Variants in GPC5 observed in about 807,000 individuals in gnomAD.
GPC5 encodes the protein glypican-5.
GPC5 carries 47 observed loss-of-function variants against 53.9 expected under a neutral mutation model. The observed-to-expected ratio is 0.87, with a 90% confidence interval of 0.69 to 1.11. GPC5 has a LOEUF of 1.11. Ranked by LOEUF, GPC5 falls within the 50% of genes most tolerant of loss-of-function variation. The pLI, the probability that GPC5 is intolerant of heterozygous loss-of-function variation, is 0.00. For missense variants in GPC5, 748 were observed against 713.1 expected (o/e 1.05, Z -0.56); for synonymous variants, 286 against 263.3 (o/e 1.09, Z -0.84).
chr13:91,975,399 A>G (rs965098723), intron 6 of GPC5, among the ~76,000 whole-genome samples: 5 of 152,284 alleles, frequency 3.3e-5, no homozygotes, highest in African/African-American at 1.2e-4. Context: ...TCCAGAATCT[A>G]CAATGAACTC....
chr13:92,347,917 A>AT (rs2043438881), intron 7 of GPC5, among the ~76,000 whole-genome samples: 3 of 15,842 alleles, frequency 1.9e-4, no homozygotes, highest in African/African-American at 8.2e-4. Context: ...TATATAATAT[A>AT]TATATATTAT....
In GPC5 at chr13:92,837,215, T is replaced by A. The variant is rs76963157; in HGVS notation, c.1562-29067T>A. On this transcript the variant is annotated intron_variant, in intron 7 of 7. Coordinates refer to ENST00000377067, the MANE Select transcript of GPC5 (RefSeq NM_004466.6). ...ATCTGTAGATCCGAGAGAAAGGAAA[T>A]ACACTCCAAGATATACCAACCAAAA... Among the ~76,000 whole-genome samples, 1,016 of 152,180 alleles carry A rather than the reference T, an allele frequency of 6.7e-3. 15 individuals are homozygous for A. Among genetic ancestry groups the A allele is most frequent in the African/African-American group, 0.023 (964 of 41,510 alleles).
chr13:91,912,637 T>C (rs2039620027), intron 6 of GPC5, among the ~76,000 whole-genome samples: 1 of 152,154 alleles, frequency 6.6e-6, no homozygotes, highest in Non-Finnish European at 1.5e-5. Context: ...TTAAATATTC[T>C]GCTATCTGGT....
At chr13:92,375,091 GT>G (rs1413656212) in intron 7 of GPC5, among the ~76,000 whole-genome samples, 6 of 152,238 alleles carry the variant, frequency 3.9e-5, no homozygotes, top group Admixed American at 3.9e-4. Context: ...CAAAGCATGG[GT>G]ATTTTACTTA....
intron 7 of GPC5, among the ~76,000 whole-genome samples, chr13:92,778,988 C>T (rs911873643): frequency 2.5e-4 from 38 of 150,454 alleles, no homozygotes; most frequent in African/African-American, 7.8e-4. Context: ...CACACACACA[C>T]ATATATATAT....
intron 7 of GPC5, among the ~76,000 whole-genome samples, chr13:92,376,820 GC>G (rs1178614405): frequency 6.6e-6 from 1 of 151,898 alleles, no homozygotes; most frequent in Non-Finnish European, 1.5e-5. Context: ...TTTGAGACAA[GC>G]CTGGCCAGCA....
At chr13:92,655,855 G>A (rs1342333251) in intron 7 of GPC5, among the ~76,000 whole-genome samples, 1 of 152,060 alleles carries the variant, frequency 6.6e-6, no homozygotes, top group Admixed American at 6.6e-5. Flanking sequence ...ATAGACTCAG[G>A]ATGCCAAAAA....
chr13:92,497,680 A>G (rs1177038275), intron 7 of GPC5, among the ~76,000 whole-genome samples: 5 of 152,126 alleles, frequency 3.3e-5, no homozygotes, highest in East Asian at 1.9e-4. Context: ...CACTGACTCT[A>G]TAAATTACTT....
chr13:91,646,542 A>G (rs1053098076), intron 2 of GPC5, among the ~76,000 whole-genome samples: 1 of 152,082 alleles, frequency 6.6e-6, no homozygotes, highest in African/African-American at 2.4e-5. Flanking sequence ...TTAAATGACA[A>G]AATGAAATAA....
chr13:91,592,261 T>C (rs759873097), intron 2 of GPC5, among the ~76,000 whole-genome samples: 1 of 152,170 alleles, frequency 6.6e-6, no homozygotes, highest in Non-Finnish European at 1.5e-5. Context: ...TTAAGATTCA[T>C]GGGTGGTGAA....
intron 7 of GPC5, among the ~76,000 whole-genome samples, chr13:92,413,398 A>G (rs549280500): frequency 1.3e-5 from 2 of 152,348 alleles, no homozygotes; most frequent in East Asian, 1.9e-4. Flanking sequence ...TTTATTGACC[A>G]GGCACTATAA....
At chr13:92,388,228 T>C (rs1026770858) in intron 7 of GPC5, among the ~76,000 whole-genome samples, 2 of 152,092 alleles carry the variant, frequency 1.3e-5, no homozygotes, top group African/African-American at 4.8e-5. Context: ...TTGCTTGCAT[T>C]AGTGAAAAAT....
At chr13:91,599,704 C>G (rs2033114007) in intron 2 of GPC5, among the ~76,000 whole-genome samples, 1 of 152,092 alleles carries the variant, frequency 6.6e-6, no homozygotes. Context: ...TTACATAGTC[C>G]TCCATTTCAG....
chr13:91,549,075 C>T (rs1442393700), intron 2 of GPC5, among the ~76,000 whole-genome samples: 1 of 152,050 alleles, frequency 6.6e-6, no homozygotes, highest in African/African-American at 2.4e-5. Context: ...TCGAGACCAG[C>T]CTGGCCAATA....
At chr13:92,245,037 G>GA (rs35163960) in intron 7 of GPC5, among the ~76,000 whole-genome samples, 47,274 of 130,764 alleles carry the variant, frequency 0.36, 9,995 homozygotes, top group African/African-American at 0.6. Flanking sequence ...GACTCCATCT[G>GA]AAAAAAAAAA....
chr13:91,716,065 C>T (rs755207067), intron 3 of GPC5, among the ~76,000 whole-genome samples: 11 of 152,066 alleles, frequency 7.2e-5, no homozygotes, highest in Non-Finnish European at 1.0e-4. Context: ...AGGCATGAGC[C>T]ACCATGCCTG....
chr13:92,656,417 C>T (rs1453274369), intron 7 of GPC5, among the ~76,000 whole-genome samples: 1 of 152,032 alleles, frequency 6.6e-6, no homozygotes, highest in South Asian at 2.1e-4. Flanking sequence ...GAGGGAAAGG[C>T]GGATTCCAGT....
intron 6 of GPC5, among the ~76,000 whole-genome samples, chr13:91,939,875 A>C (rs1037830618): frequency 6.6e-6 from 1 of 152,140 alleles, no homozygotes; most frequent in African/African-American, 2.4e-5. Flanking sequence ...CCCTGTAATC[A>C]TATAGTCCAA....
At chr13:92,833,467 TAATA>T (rs763304864) in intron 7 of GPC5, among the ~76,000 whole-genome samples, 26 of 152,184 alleles carry the variant, frequency 1.7e-4, no homozygotes, top group Non-Finnish European at 3.2e-4. Flanking sequence ...CATAAATAGA[TAATA>T]TATATATTCT....
Sources: allele counts gnomAD v4.1 joint callset (sites outside exome capture counted in the v4.1 genomes callset), GRCh38; gene constraint gnomAD v4.1.1; transcripts MANE v1.5; gene names NCBI Gene and HGNC (gene_info 2026-07-23, HGNC 2026-07-21).